The following TMTC4 variants were observed in gnomAD, a reference collection of about 807,000 sequenced individuals.
TMTC4 encodes the protein protein O-mannosyl-transferase TMTC4.
Under a neutral mutation model 86.0 loss-of-function variants are expected in TMTC4, and 65 were observed. That is an observed-to-expected ratio of 0.76 (90% CI 0.62 to 0.93). The LOEUF is 0.93. Ranked by LOEUF, TMTC4 falls within the 40% of genes least tolerant of loss-of-function variation. The pLI is 0.00. For synonymous variants in TMTC4, 379 were observed against 382.5 expected (o/e 0.99, Z 0.11); for missense variants, 866 against 948.1 (o/e 0.91, Z 1.14).
In TMTC4 at chr13:100,674,429, A is replaced by T. The variant is rs1406397928; in HGVS notation, c.-208+315T>A. ...CGAGGGAGCGCCGGCGCGGCTGTGC[A>T]GGCAGGGGCTGGGGGCGGCGACCTC... On this transcript the variant is annotated intron_variant, in intron 1 of 18. Coordinates refer to ENST00000342624, the MANE Select transcript of TMTC4 (RefSeq NM_032813.5). The T allele has an allele frequency of 6.7e-6, 6 of 901,764 alleles. No homozygotes were observed. The East Asian group carries it at 6.1e-4, about 91-fold the overall frequency. 55.9% of individuals were successfully genotyped at this position (901,764 alleles called of 1,614,324 possible). A position where few individuals can be genotyped will look rare whatever the true frequency, so the allele number is the denominator to read the frequency against.
Position 100,612,433 on chromosome 13 carries a change from A to G in TMTC4, c.2029T>C (p.Leu677=), listed in dbSNP as rs1307001586. 9 of 1,610,904 alleles carry G rather than the reference A, an allele frequency of 5.6e-6. No individual in the cohort carries two copies. Among genetic ancestry groups the G allele is most frequent in the South Asian group, 2.2e-5 (2 of 90,070 alleles). The change falls in exon 17 of 19, where the codon TTG becomes CTG. Residue 677 remains leucine, a synonymous_variant. Coordinates refer to ENST00000342624, the MANE Select transcript of TMTC4 (RefSeq NM_032813.5). ...IPNDHSLMFS[L]ANVLGKSQKY... is the part of the protein sequence containing the mutation. ...TGGGATTTCCCCAGCACGTTTGCCA[A>G]CGAGAACATGAGAGAGTGATCATTA... is the stretch of plus-strand genomic sequence containing the variant.
chr13:100,635,252 A>T, intron 10 of TMTC4, 57 bp from the exon 11 acceptor site: 1 of 1,445,500 alleles, frequency 6.9e-7, no homozygotes, highest in Non-Finnish European at 9.2e-7. Flanking sequence ...CAAGAAAAAC[A>T]TCCTACTCCA....
chr13:100,622,026 T>C (rs1879582608), intron 15 of TMTC4, among the ~76,000 whole-genome samples: 1 of 152,204 alleles, frequency 6.6e-6, no homozygotes, highest in South Asian at 2.1e-4. Context: ...ATCATTATAA[T>C]AATTTCAGCT....
At chr13:100,628,611 G>A (rs897413751) in intron 12 of TMTC4, among the ~76,000 whole-genome samples, 3 of 152,072 alleles carry the variant, frequency 2.0e-5, no homozygotes, top group South Asian at 4.1e-4. Context: ...TTAAAAAAAA[G>A]AGAGAATGAG....
chr13:100,644,409 C>T (rs921775495), intron 6 of TMTC4, among the ~76,000 whole-genome samples: 11 of 151,970 alleles, frequency 7.2e-5, no homozygotes, highest in African/African-American at 2.4e-4. Flanking sequence ...GGCCGGGAGG[C>T]GCTCTTCACC....
At chr13:100,610,879 A>G (rs1238465528) in intron 17 of TMTC4, among the ~76,000 whole-genome samples, 1 of 152,242 alleles carries the variant, frequency 6.6e-6, no homozygotes, top group Non-Finnish European at 1.5e-5. Flanking sequence ...TGGAAAGGTC[A>G]TTAGAAGGGA....
chr13:100,673,801 C>T (rs538985544), intron 1 of TMTC4, among the ~76,000 whole-genome samples: 5 of 152,280 alleles, frequency 3.3e-5, no homozygotes, highest in African/African-American at 9.6e-5. Flanking sequence ...GTGCACTGGC[C>T]GTGATTTTAC....
Position 100,658,789 on chromosome 13 carries a change from C to T in TMTC4, c.553-2321G>A, listed in dbSNP as rs143549837. ...ACTTTGAGCAATGTACATTATGTTC[C>T]TTGACATAAAGAAAAACAAAATTTT... On this transcript the variant is annotated intron_variant, in intron 5 of 18. Coordinates refer to ENST00000342624, the MANE Select transcript of TMTC4 (RefSeq NM_032813.5). Among the ~76,000 whole-genome samples, 7 of 152,230 alleles carry T rather than the reference C, an allele frequency of 4.6e-5. No homozygotes were observed. The East Asian group carries it at 1.4e-3, about 29-fold the overall frequency.
intron 12 of TMTC4, among the ~76,000 whole-genome samples, chr13:100,628,251 T>C (rs1339162594): frequency 1.3e-5 from 2 of 152,226 alleles, no homozygotes; most frequent in Non-Finnish European, 2.9e-5. Flanking sequence ...TCCGTCTCTA[T>C]GCATTTGACT....
At chr13:100,620,889 A>G (rs1037881841) in intron 15 of TMTC4, among the ~76,000 whole-genome samples, 1 of 152,262 alleles carries the variant, frequency 6.6e-6, no homozygotes, top group Non-Finnish European at 1.5e-5. Flanking sequence ...CTTATTTGCC[A>G]GTATATAAAT....
At chr13:100,662,891 G>A in intron 5 of TMTC4, 73 bp downstream of exon 5, 1 of 1,543,576 alleles carries the variant, frequency 6.5e-7, no homozygotes, top group Admixed American at 1.8e-5. Flanking sequence ...GCCTGTTTTA[G>A]GAAACCAGGC....
intron 6 of TMTC4, among the ~76,000 whole-genome samples, chr13:100,655,848 C>T (rs1435696776): frequency 1.1e-5 from 1 of 88,538 alleles, no homozygotes; most frequent in Admixed American, 1.2e-4. Context: ...GGCACTGGCA[C>T]AGGCTAGGGC....
intron 12 of TMTC4, among the ~76,000 whole-genome samples, chr13:100,632,956 T>C (rs894203629): frequency 1.4e-4 from 21 of 152,238 alleles, no homozygotes; most frequent in African/African-American, 3.6e-4. Context: ...TTGGCCCCCA[T>C]TTTGAGCAAA....
intron 15 of TMTC4, chr13:100,614,750 AT>A: frequency 4.0e-6 from 1 of 250,684 alleles, no homozygotes; most frequent in Non-Finnish European, 6.3e-6. Flanking sequence ...GTAATGTCCT[AT>A]TTCCTGTTAT....
At chr13:100,637,861 A>G in intron 8 of TMTC4, 69 bp downstream of exon 8, 1 of 1,541,478 alleles carries the variant, frequency 6.5e-7, no homozygotes, top group Non-Finnish European at 8.8e-7. Flanking sequence ...ATATTTGAGA[A>G]TGGCATTTTA....
In TMTC4 at chr13:100,664,435, C is replaced by A. The variant is rs564290297; in HGVS notation, c.220-99G>T. 7 of 765,920 alleles carry A rather than the reference C, an allele frequency of 9.1e-6. No homozygotes were observed. The East Asian group carries it at 1.8e-4, about 20-fold the overall frequency. 47.4% of individuals were successfully genotyped at this position (765,920 alleles called of 1,614,324 possible). On this transcript the variant is annotated intron_variant, in intron 3 of 18. Transcript: ENST00000342624. ...CCTGGGATGCAGTCAGGCCTCCTAG[C>A]GGGGATGCTGTGCCCAACATGTTCT...
intron 1 of TMTC4, among the ~76,000 whole-genome samples, chr13:100,673,630 C>A (rs147187564): frequency 1.3e-5 from 2 of 152,340 alleles, no homozygotes; most frequent in Non-Finnish European, 2.9e-5. Flanking sequence ...CTACTGAAGG[C>A]TAAGGTATCG....
intron 2 of TMTC4, 161 bp downstream of exon 2, chr13:100,670,199 G>A (rs554731412): frequency 1.5e-6 from 1 of 658,176 alleles, no homozygotes; most frequent in African/African-American, 1.9e-5. Context: ...TGATTGGGAA[G>A]GCAGTTTGGA....
chr13:100,646,391 G>A (rs1414395556), intron 6 of TMTC4, among the ~76,000 whole-genome samples: 1 of 152,198 alleles, frequency 6.6e-6, no homozygotes, highest in Non-Finnish European at 1.5e-5. Context: ...TCATGGAACC[G>A]CAGGTGTCAA....
Sources: allele counts gnomAD v4.1 joint callset (sites outside exome capture counted in the v4.1 genomes callset), GRCh38; gene constraint gnomAD v4.1.1; transcripts MANE v1.5; gene names NCBI Gene and HGNC (gene_info 2026-07-23, HGNC 2026-07-21).